The following GRID1 variants were observed in gnomAD, a reference collection of about 807,000 sequenced individuals.
The protein encoded by GRID1 is glutamate ionotropic receptor delta type subunit 1.
A neutral mutation model predicts 98.0 loss-of-function variants in GRID1; 28 were observed. That is an observed-to-expected ratio of 0.29 (90% CI 0.21 to 0.39). The LOEUF (loss-of-function observed/expected upper bound fraction) is 0.39. Ranked by LOEUF, GRID1 falls within the 10% of genes least tolerant of loss-of-function variation. The pLI, the probability that GRID1 is intolerant of heterozygous loss-of-function variation, is 1.00. For missense variants in GRID1, 1,111 were observed against 1,340.5 expected (o/e 0.83, Z 2.67); for synonymous variants, 553 against 538.5 (o/e 1.03, Z -0.37).
At chr10:85,804,617 G>C (rs1048424100) in intron 8 of GRID1, among the ~76,000 whole-genome samples, 1 of 151,632 alleles carries the variant, frequency 6.6e-6, no homozygotes, top group African/African-American at 2.4e-5. Context: ...ATATAAAAAA[G>C]ATATAGCATT....
chr10:86,138,854 G>A lies in GRID1; in HGVS notation c.691C>T (p.Leu231Phe). The change falls in exon 4 of 16, where the codon CTC becomes TTC. Residue 231 changes from leucine to phenylalanine, a missense_variant. By Grantham distance (22) the Leu-to-Phe change is conservative. This residue lies in a region of GRID1 where 346 missense variants were observed against 452.3 expected (regional missense o/e 0.76). Coordinates refer to ENST00000327946, the MANE Select transcript of GRID1 (RefSeq NM_017551.3). The stretch of plus-strand genomic sequence containing the variant: ...AAGGAGTGGGCTCCCTGTGGGCTGA[G>A]CAGCAGGATGGCGCGGCGAAGCGTG... ...RDTLRRAILL[L>F]SPQGAHSFIN... The A allele has an allele frequency of 6.2e-7, 1 of 1,614,232 alleles. No individual in the cohort carries two copies. Among genetic ancestry groups the A allele is most frequent in the Non-Finnish European group, 8.5e-7 (1 of 1,180,026 alleles).
chr10:85,724,277 C>T, intron 11 of GRID1, 75 bp downstream of exon 11: 1 of 1,162,044 alleles, frequency 8.6e-7, no homozygotes, highest in Non-Finnish European at 1.2e-6. Context: ...GTAAAATGCA[C>T]CTGAGAACTT....
intron 4 of GRID1, among the ~76,000 whole-genome samples, chr10:86,092,286 A>G (rs1167164196): frequency 4.6e-5 from 7 of 152,128 alleles, no homozygotes. Context: ...TAGCTTAAAG[A>G]AAAAAAATTC....
chr10:85,773,393 A>G (rs1842293860), intron 8 of GRID1, among the ~76,000 whole-genome samples: 1 of 152,224 alleles, frequency 6.6e-6, no homozygotes, highest in Non-Finnish European at 1.5e-5. Flanking sequence ...AACTGGAAGC[A>G]TTCCCTTTGA....
chr10:85,905,023 A>G (rs1841440631), intron 5 of GRID1, among the ~76,000 whole-genome samples: 1 of 152,118 alleles, frequency 6.6e-6, no homozygotes, highest in Non-Finnish European at 1.5e-5. Flanking sequence ...AAGCTCAACA[A>G]AGTGCAGGCA....
At chr10:85,743,852 C>T (rs1841973237) in intron 8 of GRID1, among the ~76,000 whole-genome samples, 1 of 151,918 alleles carries the variant, frequency 6.6e-6, no homozygotes. Context: ...TTTGAATGAT[C>T]CTTTGGTTTC....
intron 8 of GRID1, among the ~76,000 whole-genome samples, chr10:85,769,129 A>T (rs542841613): frequency 3.9e-5 from 6 of 152,364 alleles, no homozygotes; most frequent in African/African-American, 1.4e-4. Flanking sequence ...CTAATATGAA[A>T]ATAACTGCAA....
chr10:85,772,981 G>C (rs1023689194), intron 8 of GRID1, among the ~76,000 whole-genome samples: 103 of 152,286 alleles, frequency 6.8e-4, no homozygotes, highest in African/African-American at 2.2e-3. Context: ...TATGAGGCCA[G>C]CATCATCCTG....
intron 12 of GRID1, among the ~76,000 whole-genome samples, chr10:85,708,166 A>T (rs1398317290): frequency 6.7e-6 from 1 of 149,910 alleles, no homozygotes; most frequent in Non-Finnish European, 1.5e-5. Flanking sequence ...GCACTTTGGG[A>T]GGCCGAGGTG....
At chr10:86,154,927 C>T (rs931757595) in intron 3 of GRID1, among the ~76,000 whole-genome samples, 1 of 152,154 alleles carries the variant, frequency 6.6e-6, no homozygotes, top group South Asian at 2.1e-4. Context: ...CCCAGCAACC[C>T]CAGGAGGGCA....
At chr10:85,694,485 T>C (rs1374192932) in intron 12 of GRID1, among the ~76,000 whole-genome samples, 2 of 145,318 alleles carry the variant, frequency 1.4e-5, no homozygotes, top group African/African-American at 5.1e-5. Context: ...CTGTTCACAA[T>C]AGCAAAAATA....
chr10:86,320,620 G>A (rs772030526), intron 2 of GRID1, among the ~76,000 whole-genome samples: 44 of 152,258 alleles, frequency 2.9e-4, no homozygotes, highest in Non-Finnish European at 4.4e-4. Flanking sequence ...GGTGATGGCT[G>A]CACAGAATGT....
chr10:86,137,584 C>G (rs1309131259), intron 4 of GRID1, among the ~76,000 whole-genome samples: 1 of 152,226 alleles, frequency 6.6e-6, no homozygotes, highest in Non-Finnish European at 1.5e-5. Flanking sequence ...CAGACTTTTG[C>G]AAACACACAG....
chr10:86,356,707 C>T (rs1848538162), intron 2 of GRID1, among the ~76,000 whole-genome samples: 1 of 152,226 alleles, frequency 6.6e-6, no homozygotes, highest in Non-Finnish European at 1.5e-5. Flanking sequence ...CTTAGTCTCC[C>T]CTGACTCATA....
chr10:86,165,311 C>T (rs977448298), intron 3 of GRID1, among the ~76,000 whole-genome samples: 1 of 152,206 alleles, frequency 6.6e-6, no homozygotes. Context: ...AAAGCATCTG[C>T]AAGTTTCTAT....
chr10:86,351,118 C>T lies in GRID1; in HGVS notation c.235+12823G>A, dbSNP rs371420241. On this transcript the variant is annotated intron_variant, in intron 2 of 15. Coordinates refer to ENST00000327946, the MANE Select transcript of GRID1 (RefSeq NM_017551.3). ...TGCCAAGCTCACTGCATTCCTTTAC[C>T]CAGTGAGATTCCTGGGCCAGCTGCA... Among the ~76,000 whole-genome samples the T allele has an allele frequency of 2.2e-4, 34 of 152,358 alleles. 1 individual carries two copies. In the South Asian group the frequency reaches 5.6e-3, roughly 25 times the overall value.
At chr10:85,919,094 G>C (rs1218310593) in intron 4 of GRID1, among the ~76,000 whole-genome samples, 1 of 152,218 alleles carries the variant, frequency 6.6e-6, no homozygotes, top group African/African-American at 2.4e-5. Context: ...AGAATATGTA[G>C]TTCTGTGAAT....
chr10:86,000,681 G>A (rs1048096413), intron 4 of GRID1, among the ~76,000 whole-genome samples: 7 of 152,242 alleles, frequency 4.6e-5, no homozygotes, highest in South Asian at 2.1e-4. Context: ...AAAGGATAGC[G>A]TCTTAACAAA....
At chr10:86,158,157 A>T (rs1446064510) in intron 3 of GRID1, among the ~76,000 whole-genome samples, 1 of 152,196 alleles carries the variant, frequency 6.6e-6, no homozygotes, top group Non-Finnish European at 1.5e-5. Flanking sequence ...TCGGCCTGAG[A>T]CTAAGCACCT....
Sources: gnomAD v4.1 joint callset for allele counts (sites outside exome capture counted in the v4.1 genomes callset) on GRCh38, gnomAD v4.1.1 for gene constraint, gnomAD v4.1.1 regional missense constraint, MANE v1.5 for transcripts, NCBI Gene and HGNC (gene_info 2026-07-23, HGNC 2026-07-21) for gene names.